SCARB1: variants seen among roughly 807,000 people sequenced by gnomAD.
SCARB1 encodes the protein scavenger receptor class B member 1, also known as CD36 and LIMPII analogous 1.
Under a neutral mutation model 57.2 loss-of-function variants are expected in SCARB1, and 30 were observed. That is an observed-to-expected ratio of 0.52 (90% CI 0.39 to 0.71). SCARB1 has a LOEUF of 0.71. Among genes scored for constraint, SCARB1 ranks in the 30% least tolerant of loss-of-function variants. SCARB1 has a pLI of 0.00. For missense variants in SCARB1, 543 were observed against 671.2 expected, an observed-to-expected ratio of 0.81 and a Z score of 2.11; for synonymous variants, 249 against 268.3, an observed-to-expected ratio of 0.93 and a Z score of 0.70.
intron 2 of SCARB1, among the ~76,000 whole-genome samples, chr12:124,815,551 C>A (rs546824856): frequency 6.6e-6 from 1 of 152,344 alleles, no homozygotes; most frequent in East Asian, 1.9e-4. Flanking sequence ...CCACTCTCCA[C>A]CATCCAGAAG....
chr12:124,847,068 T>C (rs73417410), intron 1 of SCARB1, among the ~76,000 whole-genome samples: 4,003 of 152,344 alleles, frequency 0.026, 175 homozygotes, highest in African/African-American at 0.09. Flanking sequence ...CAGATGAGCT[T>C]TCCCTCTTCT....
intron 8 of SCARB1, among the ~76,000 whole-genome samples, chr12:124,798,949 TAGAC>T (rs1950042156): frequency 6.6e-6 from 1 of 151,942 alleles, no homozygotes; most frequent in South Asian, 2.1e-4. Flanking sequence ...AAATTTCAGT[TAGAC>T]AGGGGGAGTA....
At chr12:124,851,533 A>G (rs1952399902) in intron 1 of SCARB1, among the ~76,000 whole-genome samples, 1 of 152,016 alleles carries the variant, frequency 6.6e-6, no homozygotes, top group Admixed American at 6.6e-5. Flanking sequence ...AATCACAAGC[A>G]GAATGGACCT....
At chr12:124,794,278 G>T (rs1949847485) in intron 9 of SCARB1, among the ~76,000 whole-genome samples, 1 of 151,558 alleles carries the variant, frequency 6.6e-6, no homozygotes, top group Non-Finnish European at 1.5e-5. Context: ...TATTAGGGGG[G>T]TTATTTTTTT....
At chr12:124,787,059 GAAGT>G (rs1309075844) in intron 10 of SCARB1, among the ~76,000 whole-genome samples, 1 of 152,248 alleles carries the variant, frequency 6.6e-6, no homozygotes, top group East Asian at 1.9e-4. Context: ...AGCTGCGAGA[GAAGT>G]AAGTTTAAGA....
chr12:124,790,005 G>A (rs1338526576), intron 9 of SCARB1, among the ~76,000 whole-genome samples: 9 of 105,130 alleles, frequency 8.6e-5, no homozygotes, highest in African/African-American at 2.1e-4. Flanking sequence ...GTGAGACTCC[G>A]TCTCAAAAAA....
Position 124,800,130 on chromosome 12 carries a change from G to A in SCARB1, c.1122C>T (p.Ile374=), listed in dbSNP as rs369653232. 78 of 1,611,750 alleles carry A rather than the reference G, an allele frequency of 4.8e-5. No individual in the cohort carries two copies. Among genetic ancestry groups the A allele is most frequent in the African/African-American group, 8.0e-5 (6 of 74,876 alleles). The change falls in exon 8 of 13, where the codon ATC becomes ATT. Residue 374 remains isoleucine (I), a synonymous_variant. Coordinates refer to ENST00000261693, the MANE Select transcript of SCARB1 (RefSeq NM_005505.5). This position sits in a 1 kb window ranked among gnomAD's most constrained non-coding sequence, Gnocchi z 4.8. ...NQEAHSLFLD[I]HPVTGIPMNC... is the part of the protein sequence containing the mutation. ...GAGGATGGCAGGGGCTCACCGGGTG[G>A]ATGTCCAGGAACAAGGAGTGTGCCT...
chr12:124,815,831 A>G (rs1447107807), intron 2 of SCARB1, among the ~76,000 whole-genome samples: 1 of 152,100 alleles, frequency 6.6e-6, no homozygotes, highest in East Asian at 1.9e-4. Context: ...GCGCCACCGC[A>G]CTCCAACCTG....
At chr12:124,832,936 C>A (rs746921688) in intron 1 of SCARB1, among the ~76,000 whole-genome samples, 5 of 151,876 alleles carry the variant, frequency 3.3e-5, no homozygotes, top group Non-Finnish European at 7.4e-5. Context: ...ACTGGGACTG[C>A]CCCTGAGATG....
Position 124,822,711 on chromosome 12 carries a change from CGT to C in SCARB1, c.127-5006_127-5005del, listed in dbSNP as rs1418771751. 2.6e-5 allele frequency among the ~76,000 whole-genome samples: 4 copies of C among 152,068 alleles called. No homozygotes were observed. In the East Asian group the frequency reaches 7.7e-4, roughly 29 times the overall value. ...ACCAGCCTGGGCAACATGGTGAAAC[CGT>C]GTCTCTACTAAAAATACAAAAAATA... is the stretch of plus-strand genomic sequence containing the variant. On this transcript the variant is annotated intron_variant, in intron 1 of 12. Transcript: ENST00000261693. This position sits in a 1 kb window ranked among gnomAD's most constrained non-coding sequence, Gnocchi z 5.0.
intron 1 of SCARB1, among the ~76,000 whole-genome samples, chr12:124,820,205 G>A (rs563707207): frequency 1.3e-5 from 2 of 152,168 alleles, no homozygotes; most frequent in South Asian, 4.2e-4. Context: ...GCATTTCCGG[G>A]GTGCGCCATG....
At chr12:124,836,087 G>A (rs935527234) in intron 1 of SCARB1, among the ~76,000 whole-genome samples, 9 of 152,184 alleles carry the variant, frequency 5.9e-5, no homozygotes, top group Non-Finnish European at 1.2e-4. Context: ...CATCCAAAGC[G>A]GGCGATCAGT....
intron 1 of SCARB1, among the ~76,000 whole-genome samples, chr12:124,856,359 G>A (rs925426701): frequency 5.9e-5 from 9 of 152,196 alleles, no homozygotes; most frequent in African/African-American, 2.2e-4. Flanking sequence ...AGGTGTGTGT[G>A]TCACTGTTTT....
intron 1 of SCARB1, among the ~76,000 whole-genome samples, chr12:124,857,328 CACA>C (rs1952681250): frequency 6.6e-6 from 1 of 152,220 alleles, no homozygotes; most frequent in Non-Finnish European, 1.5e-5. Context: ...AGTATCCGGC[CACA>C]ACGAGTGCCC....
At chr12:124,785,817 A>C in intron 11 of SCARB1, 1 of 478,420 alleles carries the variant, frequency 2.1e-6, no homozygotes, top group East Asian at 3.4e-5. Flanking sequence ...TTAAGTGGCT[A>C]TTAGAAAATT....
At chr12:124,811,102 AAAC>A (rs1325021136) in intron 5 of SCARB1, among the ~76,000 whole-genome samples, 10 of 152,248 alleles carry the variant, frequency 6.6e-5, no homozygotes, top group African/African-American at 1.9e-4. Context: ...TTCAAAGAAG[AAAC>A]AATTCCGTAT....
At chr12:124,786,021 C>G in intron 11 of SCARB1, 2 of 1,481,250 alleles carry the variant, frequency 1.4e-6, no homozygotes, top group South Asian at 2.7e-5. Flanking sequence ...TGTACGTCCC[C>G]TCGCCCCTAA....
chr12:124,806,241 G>A lies in SCARB1; in HGVS notation c.1009+1520C>T, dbSNP rs980457654. On this transcript the variant is annotated intron_variant, in intron 7 of 12. Transcript: ENST00000261693. ...GGGAGCAAGAGAGAGGAAGGAGTGAGGACTCAACCTGGAGGTAAAGCCATC... is the reference window on the plus strand; with the variant it reads ...GGGAGCAAGAGAGAGGAAGGAGTGAAGACTCAACCTGGAGGTAAAGCCATC... 2.0e-5 allele frequency among the ~76,000 whole-genome samples: 3 copies of A among 152,030 alleles called. No individual in the cohort carries two copies. The East Asian group carries it at 5.8e-4, about 29-fold the overall frequency.
intron 12 of SCARB1, among the ~76,000 whole-genome samples, chr12:124,781,270 C>T (rs532267632): frequency 3.9e-5 from 6 of 152,356 alleles, no homozygotes; most frequent in Middle Eastern, 3.4e-3. Flanking sequence ...GAGTTAGAGA[C>T]AGCCAAGTGG....
Sources: gnomAD v4.1 joint callset for allele counts (sites outside exome capture counted in the v4.1 genomes callset) on GRCh38, gnomAD v4.1.1 for gene constraint, Gnocchi (gnomAD v3.1) non-coding constraint, MANE v1.5 for transcripts, NCBI Gene and HGNC (gene_info 2026-07-23, HGNC 2026-07-21) for gene names.